CTNNA2: variants seen among roughly 807,000 people sequenced by gnomAD.
CTNNA2 encodes catenin alpha 2.
CTNNA2 carries 42 observed loss-of-function variants against 101.0 expected under a neutral mutation model. The observed-to-expected ratio is 0.42, with a 90% CI of 0.32 to 0.54. The LOEUF is 0.54. CTNNA2 is among the 20% of genes least tolerant of loss of function. The pLI, the probability that CTNNA2 is intolerant of heterozygous loss-of-function variation, is 0.14. For synonymous variants in CTNNA2, 450 were observed against 456.4 expected (o/e 0.99, Z 0.18); for missense variants, 871 against 1,223.1 (o/e 0.71, Z 4.29).
chr2:79,960,844 G>A (rs541299830), intron 7 of CTNNA2, among the ~76,000 whole-genome samples: 4 of 152,100 alleles, frequency 2.6e-5, no homozygotes, highest in South Asian at 2.1e-4. Flanking sequence ...AGTATAAGTC[G>A]TTTCTCTGGC....
rs1006361310 is a variant in CTNNA2 at position 79,446,850 on chromosome 2, G to A, written c.-134-58204G>A. Among the ~76,000 whole-genome samples, 22 of 152,146 alleles carry A rather than the reference G, an allele frequency of 1.4e-4. No homozygotes were observed. In the South Asian group the frequency reaches 1.7e-3, roughly 11 times the overall value. On this transcript the variant is annotated intron_variant, in intron 4 of 21. Transcript: ENST00000466387. ...AAAAAATCCAGATTTGTCCTATATA[G>A]AGAATTGGATAGTGCTGTTTGGTTT...
intron 7 of CTNNA2, among the ~76,000 whole-genome samples, chr2:80,217,825 T>C (rs1270766006): frequency 6.6e-6 from 1 of 152,188 alleles, no homozygotes; most frequent in Non-Finnish European, 1.5e-5. Context: ...GACCACTTGA[T>C]ATTCTGCACA....
intron 3 of CTNNA2, among the ~76,000 whole-genome samples, chr2:79,781,725 CTG>C (rs1017364284): frequency 6.6e-6 from 1 of 152,100 alleles, no homozygotes; most frequent in Non-Finnish European, 1.5e-5. Flanking sequence ...TAAGGAATCT[CTG>C]GGGCAATTAT....
At chr2:80,540,330 C>T (rs904126508) in intron 9 of CTNNA2, among the ~76,000 whole-genome samples, 8 of 152,098 alleles carry the variant, frequency 5.3e-5, no homozygotes, top group South Asian at 2.1e-4. Context: ...GGTGTGGTGG[C>T]TCATGCCTGT....
intron 3 of CTNNA2, among the ~76,000 whole-genome samples, chr2:79,824,574 A>C (rs1379394582): frequency 6.6e-6 from 1 of 152,208 alleles, no homozygotes; most frequent in East Asian, 1.9e-4. Flanking sequence ...AATTTAGTCA[A>C]GTTTGGTCAA....
intron 7 of CTNNA2, among the ~76,000 whole-genome samples, chr2:80,389,771 C>G (rs1677336068): frequency 6.6e-6 from 1 of 152,144 alleles, no homozygotes; most frequent in African/African-American, 2.4e-5. Flanking sequence ...TTCCTAAACC[C>G]TAGTCCTTGT....
intron 13 of CTNNA2, among the ~76,000 whole-genome samples, chr2:80,578,619 G>A (rs547106207): frequency 1.8e-4 from 27 of 152,294 alleles, no homozygotes; most frequent in East Asian, 1.5e-3. Context: ...GGTTTGTTGC[G>A]TGTTTAAGGT....
intron 3 of CTNNA2, among the ~76,000 whole-genome samples, chr2:79,815,455 A>G (rs1215952019): frequency 2.2e-5 from 2 of 91,718 alleles, no homozygotes; most frequent in Non-Finnish European, 5.2e-5. Flanking sequence ...GTATAAGGTG[A>G]GAAATGAGGA....
At chr2:79,465,692 C>A (rs1336512238) in intron 4 of CTNNA2, among the ~76,000 whole-genome samples, 2 of 152,066 alleles carry the variant, frequency 1.3e-5, no homozygotes, top group Non-Finnish European at 2.9e-5. Flanking sequence ...TGAAGAGGTC[C>A]TTCACATCCC....
chr2:79,323,466 G>A (rs1236678082), intron 3 of CTNNA2, among the ~76,000 whole-genome samples: 8 of 147,838 alleles, frequency 5.4e-5, no homozygotes, highest in African/African-American at 2.0e-4. Flanking sequence ...GGTAAATAAG[G>A]TGCATAGCTA....
intron 7 of CTNNA2, among the ~76,000 whole-genome samples, chr2:79,973,293 A>G (rs535113764): frequency 3.9e-5 from 6 of 152,202 alleles, no homozygotes; most frequent in African/African-American, 1.4e-4. Flanking sequence ...CAGGGTAGGC[A>G]TGCAGGCTGA....
At chr2:79,625,486 A>G (rs1353706921) in intron 1 of CTNNA2, among the ~76,000 whole-genome samples, 2 of 152,360 alleles carry the variant, frequency 1.3e-5, no homozygotes, top group Non-Finnish European at 1.5e-5. Flanking sequence ...AATAGATACT[A>G]TGAAACTTTT....
At chr2:80,245,176 T>G (rs1671227593) in intron 7 of CTNNA2, among the ~76,000 whole-genome samples, 1 of 152,358 alleles carries the variant, frequency 6.6e-6, no homozygotes, top group Non-Finnish European at 1.5e-5. Flanking sequence ...ACTTGAAGTT[T>G]CTGAGAATAA....
chr2:79,933,775 A>G (rs1293640335), intron 7 of CTNNA2, among the ~76,000 whole-genome samples: 2 of 152,176 alleles, frequency 1.3e-5, no homozygotes, highest in Non-Finnish European at 2.9e-5. Context: ...TATTCTTTAC[A>G]TGGTCTAACC....
chr2:79,943,856 C>G (rs896838819), intron 7 of CTNNA2, among the ~76,000 whole-genome samples: 10 of 152,186 alleles, frequency 6.6e-5, no homozygotes, highest in Non-Finnish European at 1.2e-4. Flanking sequence ...ATTGATAATT[C>G]TGCCATAATT....
chr2:80,383,406 C>G (rs1165177283), intron 7 of CTNNA2, among the ~76,000 whole-genome samples: 1 of 152,156 alleles, frequency 6.6e-6, no homozygotes, highest in South Asian at 2.1e-4. Flanking sequence ...AGAGTTTCAT[C>G]CTGAGTTCTT....
intron 6 of CTNNA2, among the ~76,000 whole-genome samples, chr2:79,899,066 C>T (rs2117289): frequency 0.28 from 42,918 of 151,820 alleles, 6,532 homozygotes; most frequent in East Asian, 0.59. Context: ...ACTTAGTCAG[C>T]GGGTGGTAAA....
At chr2:80,158,679 G>A (rs1704124936) in intron 7 of CTNNA2, among the ~76,000 whole-genome samples, 1 of 152,182 alleles carries the variant, frequency 6.6e-6, no homozygotes, top group African/African-American at 2.4e-5. Context: ...GGAGGCTGAA[G>A]CAGGCAGATC....
chr2:80,621,867 A>G (rs1671161661), intron 18 of CTNNA2, among the ~76,000 whole-genome samples: 1 of 151,908 alleles, frequency 6.6e-6, no homozygotes, highest in Non-Finnish European at 1.5e-5. Context: ...GTAAGTGCCA[A>G]AATAAATATC....
Sources: gnomAD v4.1 joint callset for allele counts (sites outside exome capture counted in the v4.1 genomes callset) on GRCh38, gnomAD v4.1.1 for gene constraint, MANE v1.5 for transcripts, NCBI Gene and HGNC (gene_info 2026-07-23, HGNC 2026-07-21) for gene names.